The following FRMD4A variants were observed in gnomAD, a reference collection of about 807,000 sequenced individuals.
FRMD4A encodes FERM domain containing 4A.
A neutral mutation model predicts 129.1 loss-of-function variants in FRMD4A; 29 were observed. The ratio of observed to expected loss-of-function variants is 0.22; its 90% CI spans 0.17 to 0.31. The LOEUF is 0.31. FRMD4A is among the 10% of genes least tolerant of loss of function. The pLI is 1.00. For synonymous variants in FRMD4A, 634 were observed against 571.6 expected (o/e 1.11, Z -1.56); for missense variants, 1,272 against 1,375.8 (o/e 0.92, Z 1.19).
In FRMD4A at chr10:13,715,602, T is replaced by C. The variant is rs140256824; in HGVS notation, c.760-8489A>G. ...GCTTAAAATGGTGCCTGGTACATAG[T>C]GCTGAAGAAATAATATGAGACTGGT... On this transcript the variant is annotated intron_variant, in intron 12 of 24. Transcript: ENST00000357447. 1.9e-3 allele frequency among the ~76,000 whole-genome samples: 283 copies of C among 152,276 alleles called. 1 individual carries two copies. The highest frequency in any genetic ancestry group is 6.5e-3 in the African/African-American group (269 of 41,562).
chr10:13,823,253 G>A (rs989077897), intron 3 of FRMD4A, among the ~76,000 whole-genome samples: 1 of 152,154 alleles, frequency 6.6e-6, no homozygotes, highest in East Asian at 1.9e-4. Flanking sequence ...ATCCCCGGGG[G>A]ACTCTGGGAG....
At chr10:13,994,846 T>G (rs1384971564) in intron 2 of FRMD4A, among the ~76,000 whole-genome samples, 1 of 151,738 alleles carries the variant, frequency 6.6e-6, no homozygotes, top group Non-Finnish European at 1.5e-5. Context: ...GGGGCAGGAG[T>G]TTTCCAGGTT....
intron 2 of FRMD4A, among the ~76,000 whole-genome samples, chr10:13,920,154 G>T (rs1429127262): frequency 2.0e-5 from 3 of 152,116 alleles, no homozygotes; most frequent in Admixed American, 2.0e-4. Context: ...GAGTCATCAG[G>T]TATAAAACAA....
At chr10:14,217,731 A>G (rs1843118158) in intron 2 of FRMD4A, among the ~76,000 whole-genome samples, 1 of 152,096 alleles carries the variant, frequency 6.6e-6, no homozygotes, top group Admixed American at 6.6e-5. Flanking sequence ...GTCTCTGTCC[A>G]CTTATAGAGA....
At chr10:14,194,551 C>CA (rs1842417866) in intron 2 of FRMD4A, among the ~76,000 whole-genome samples, 1 of 152,156 alleles carries the variant, frequency 6.6e-6, no homozygotes, top group African/African-American at 2.4e-5. Flanking sequence ...GCGGAGCTTG[C>CA]AGTGAGCCGA....
At chr10:13,731,699 G>C (rs1229642376) in intron 12 of FRMD4A, among the ~76,000 whole-genome samples, 1 of 151,512 alleles carries the variant, frequency 6.6e-6, no homozygotes, top group Non-Finnish European at 1.5e-5. Flanking sequence ...ATAGTGTTTA[G>C]GGTTCTGCTT....
At chr10:13,892,876 C>CT (rs1486914072) in intron 2 of FRMD4A, among the ~76,000 whole-genome samples, 2 of 152,078 alleles carry the variant, frequency 1.3e-5, no homozygotes, top group Non-Finnish European at 2.9e-5. Flanking sequence ...AAAATTATAC[C>CT]TTTTTCCAGT....
chr10:13,719,527 C>T (rs890159963), intron 12 of FRMD4A, among the ~76,000 whole-genome samples: 1 of 152,070 alleles, frequency 6.6e-6, no homozygotes, highest in Non-Finnish European at 1.5e-5. Flanking sequence ...CAGCCCAAGG[C>T]GGGCAGGCAG....
intron 2 of FRMD4A, among the ~76,000 whole-genome samples, chr10:14,097,465 A>C (rs1837038099): frequency 6.6e-6 from 1 of 152,152 alleles, no homozygotes; most frequent in Non-Finnish European, 1.5e-5. Context: ...ATCATCTTTT[A>C]ATCTTAATTT....
At chr10:13,722,137 T>C (rs2089463993) in intron 12 of FRMD4A, among the ~76,000 whole-genome samples, 2 of 152,100 alleles carry the variant, frequency 1.3e-5, no homozygotes, top group African/African-American at 2.4e-5. Flanking sequence ...GCAAAGAGAT[T>C]TGCAAAATCC....
chr10:13,980,705 G>A (rs960414406), intron 2 of FRMD4A, among the ~76,000 whole-genome samples: 8 of 152,192 alleles, frequency 5.3e-5, no homozygotes, highest in Non-Finnish European at 1.2e-4. Flanking sequence ...GGGCAACAGA[G>A]TGAGACCCTG....
At chr10:13,900,884 G>A (rs528895838) in intron 2 of FRMD4A, among the ~76,000 whole-genome samples, 10 of 152,196 alleles carry the variant, frequency 6.6e-5, no homozygotes, top group Non-Finnish European at 7.4e-5. Context: ...GCGACAGAGC[G>A]AGATTCCGTC....
intron 9 of FRMD4A, among the ~76,000 whole-genome samples, chr10:13,746,591 G>C (rs1194406392): frequency 6.6e-6 from 1 of 152,136 alleles, no homozygotes; most frequent in Admixed American, 6.5e-5. Flanking sequence ...TAAGTGTCCA[G>C]ACAAGACAAA....
intron 2 of FRMD4A, among the ~76,000 whole-genome samples, chr10:14,188,892 C>G (rs12571286): frequency 6.6e-6 from 1 of 151,974 alleles, no homozygotes; most frequent in African/African-American, 2.4e-5. Flanking sequence ...GGCAACGGAG[C>G]GAGGTTTTGT....
At position 13,694,306 on chromosome 10, in the gene FRMD4A, G is replaced by C. The variant is rs555084141; in HGVS notation, c.976-267C>G. On this transcript the variant is annotated intron_variant, in intron 14 of 24. Transcript: ENST00000357447. ...AGGCTGCACTGCTTTGTGCTTAAGA[G>C]AATGTCCTGATTTAGGAAAAGTGAC... 1.4e-4 allele frequency among the ~76,000 whole-genome samples: 21 copies of C among 152,334 alleles called. No homozygotes were observed. In the South Asian group the frequency reaches 4.1e-3, roughly 30 times the overall value.
chr10:14,288,553 G>A (rs1845754810), intron 2 of FRMD4A, among the ~76,000 whole-genome samples: 1 of 151,956 alleles, frequency 6.6e-6, no homozygotes, highest in Non-Finnish European at 1.5e-5. Flanking sequence ...CCAGATTTTA[G>A]GCAAGATATG....
chr10:13,921,135 C>T (rs576377839), intron 2 of FRMD4A, among the ~76,000 whole-genome samples: 18 of 152,288 alleles, frequency 1.2e-4, no homozygotes, highest in African/African-American at 3.1e-4. Context: ...CCCTTGCAGA[C>T]GGCTGCCTTC....
intron 2 of FRMD4A, among the ~76,000 whole-genome samples, chr10:14,093,795 T>C (rs2131757811): frequency 6.6e-6 from 1 of 152,344 alleles, no homozygotes; most frequent in Admixed American, 6.5e-5. Flanking sequence ...CCCATGACTC[T>C]TAGAAGGAAG....
chr10:14,101,715 TGCCTG>T (rs1837311915), intron 2 of FRMD4A, among the ~76,000 whole-genome samples: 1 of 149,950 alleles, frequency 6.7e-6, no homozygotes, highest in African/African-American at 2.5e-5. Context: ...CCTTCAAATA[TGCCTG>T]GCTTCTAACA....
Sources: allele counts gnomAD v4.1 joint callset (sites outside exome capture counted in the v4.1 genomes callset), GRCh38; gene constraint gnomAD v4.1.1; transcripts MANE v1.5; gene names NCBI Gene and HGNC (gene_info 2026-07-23, HGNC 2026-07-21).